Variants in LRIG1 observed in about 807,000 individuals in gnomAD.
LRIG1 encodes the protein leucine-rich repeats and immunoglobulin-like domains protein 1.
In LRIG1, 48 loss-of-function variants were observed where a neutral mutation model predicts 99.2. That is an observed-to-expected ratio of 0.48 (90% CI 0.38 to 0.62). LRIG1 has a LOEUF of 0.62. Ranked by LOEUF, LRIG1 falls within the 20% of genes least tolerant of loss-of-function variation. LRIG1 has a pLI of 0.00. For missense variants in LRIG1, 1,646 were observed against 1,434.4 expected, an observed-to-expected ratio of 1.15 and a Z score of -2.38; for synonymous variants, 772 against 596.1, an observed-to-expected ratio of 1.29 and a Z score of -4.30.
At chr3:66,411,088 C>T (rs1702449663) in intron 6 of LRIG1, among the ~76,000 whole-genome samples, 1 of 152,172 alleles carries the variant, frequency 6.6e-6, no homozygotes, top group Non-Finnish European at 1.5e-5. Flanking sequence ...AACAAGGGTA[C>T]ATCAGGATTC....
intron 3 of LRIG1, among the ~76,000 whole-genome samples, chr3:66,418,146 C>T (rs891448830): frequency 6.6e-6 from 1 of 152,054 alleles, no homozygotes; most frequent in African/African-American, 2.4e-5. Flanking sequence ...GGCTGGAGTG[C>T]AGTGGCGCCA....
chr3:66,406,323 G>C (rs1003926912), intron 8 of LRIG1: 2 of 985,508 alleles, frequency 2.0e-6, no homozygotes, highest in African/African-American at 3.5e-5. Context: ...TTGTGTGCCT[G>C]TCTCTCTGCT....
chr3:66,447,008 C>T (rs1703752901), intron 3 of LRIG1, among the ~76,000 whole-genome samples: 1 of 151,996 alleles, frequency 6.6e-6, no homozygotes, highest in Admixed American at 6.6e-5. Flanking sequence ...GATGGTTGCA[C>T]AACACTGAGA....
chr3:66,433,145 G>T (rs1460666444), intron 3 of LRIG1, among the ~76,000 whole-genome samples: 1 of 152,144 alleles, frequency 6.6e-6, no homozygotes, highest in African/African-American at 2.4e-5. Flanking sequence ...ACTCTCCAGG[G>T]AACAAAAGAA....
At chr3:66,498,212 T>C (rs1395265319) in intron 1 of LRIG1, 1 of 152,178 alleles carries the variant, frequency 6.6e-6, no homozygotes, top group Non-Finnish European at 1.5e-5. Flanking sequence ...TACTAAAGTC[T>C]ACTGATGCTC....
At chr3:66,403,458 G>C (rs1357500492) in intron 9 of LRIG1, among the ~76,000 whole-genome samples, 1 of 152,130 alleles carries the variant, frequency 6.6e-6, no homozygotes, top group Non-Finnish European at 1.5e-5. Flanking sequence ...GGTGGGGTGA[G>C]GCTTCGATTT....
intron 2 of LRIG1, 87 bp downstream of exon 2, chr3:66,462,351 G>T: frequency 1.1e-6 from 1 of 914,782 alleles, no homozygotes; most frequent in East Asian, 2.5e-5. Flanking sequence ...TGCGGATCTA[G>T]GGGAGTGAGC....
chr3:66,459,727 G>C (rs1388422023), intron 2 of LRIG1, among the ~76,000 whole-genome samples: 2 of 152,158 alleles, frequency 1.3e-5, no homozygotes, highest in African/African-American at 4.8e-5. Context: ...GGCTGGAATT[G>C]GGTAGGGAGG....
At chr3:66,423,251 T>C (rs909974139) in intron 3 of LRIG1, among the ~76,000 whole-genome samples, 2 of 152,228 alleles carry the variant, frequency 1.3e-5, no homozygotes, top group Non-Finnish European at 2.9e-5. Flanking sequence ...GTAAATTTTA[T>C]GTTATGTGTA....
At chr3:66,422,603 A>G (rs1188679565) in intron 3 of LRIG1, among the ~76,000 whole-genome samples, 2 of 152,316 alleles carry the variant, frequency 1.3e-5, no homozygotes, top group East Asian at 3.9e-4. Context: ...AAGCCATTCA[A>G]CAAGTCTCTA....
At chr3:66,385,131 C>T (rs1461353265) in intron 13 of LRIG1, among the ~76,000 whole-genome samples, 2 of 152,170 alleles carry the variant, frequency 1.3e-5, no homozygotes, top group African/African-American at 4.8e-5. Context: ...GTAAACTCTT[C>T]AAGCTATCTA....
At chr3:66,416,445 T>C (rs569236469) in intron 4 of LRIG1, among the ~76,000 whole-genome samples, 3 of 152,320 alleles carry the variant, frequency 2.0e-5, no homozygotes, top group South Asian at 2.1e-4. Flanking sequence ...TCACCTGGAA[T>C]TGGAAAACGT....
intron 9 of LRIG1, chr3:66,404,250 A>G: frequency 2.3e-6 from 3 of 1,289,214 alleles, no homozygotes; most frequent in Non-Finnish European, 3.0e-6. Context: ...GCTCTCCTCT[A>G]TCATCGAGCT....
At chr3:66,481,770 T>C (rs1700857741) in intron 1 of LRIG1, among the ~76,000 whole-genome samples, 1 of 152,194 alleles carries the variant, frequency 6.6e-6, no homozygotes, top group African/African-American at 2.4e-5. Flanking sequence ...TCTAAAACTC[T>C]ATCACAATTA....
chr3:66,383,948 TCACACACACACA>T (rs3830215), intron 14 of LRIG1, 31 bp downstream of exon 14: 155 of 1,521,680 alleles, frequency 1.0e-4, no homozygotes, highest in African/African-American at 9.4e-4. Flanking sequence ...TCTCTCTCGC[TCACACACACACA>T]CACACACACA....
At chr3:66,404,200 C>G (rs1302734592) in intron 9 of LRIG1, 1 of 1,263,886 alleles carries the variant, frequency 7.9e-7, no homozygotes, top group Non-Finnish European at 1.0e-6. Flanking sequence ...CAAAACAAAT[C>G]AGAAGCATCT....
chr3:66,500,275 AGGC>A lies in LRIG1; in HGVS notation c.130_132del (p.Ala44del). ...TCCAGCGAGTCCCCAGCGCAAGTGC[AGGC>A]GGCCGCGCAGGGCGCCCGCGGGCCG... On this transcript the variant is annotated inframe_deletion, in exon 1 of 19. Transcript: ENST00000273261. 6.7e-7 allele frequency: 1 copy of A among 1,490,954 alleles called. No homozygotes were observed. The highest frequency in any genetic ancestry group is 1.3e-5 in the South Asian group (1 of 79,498). The allele number at this position is 1,490,954 out of a possible 1,614,324, so 92.4% of individuals were successfully genotyped here.
chr3:66,457,672 G>A (rs895208021), intron 2 of LRIG1, among the ~76,000 whole-genome samples: 35 of 152,222 alleles, frequency 2.3e-4, no homozygotes, highest in African/African-American at 8.2e-4. Flanking sequence ...CAAACGCTGA[G>A]GCACTAAGTA....
In LRIG1 at chr3:66,384,112, G is replaced by C; in HGVS notation, c.1950C>G (p.Val650=). ...FPAARERRMH[V]MPDDDVFFIT... is the part of the protein sequence containing the mutation. ...TGAAAAACACGTCGTCATCCGGCAT[G>C]ACATGCATGCGTCGCTCACGGGCAG... Residue 650 remains valine (V), a synonymous_variant, in exon 14 of 19, where the codon GTC becomes GTG. Transcript: ENST00000273261. 2 of 1,614,210 alleles carry C rather than the reference G, an allele frequency of 1.2e-6. No homozygotes were observed. Among genetic ancestry groups the C allele is most frequent in the East Asian group, 2.2e-5 (1 of 44,878 alleles).
Sources: allele counts gnomAD v4.1 joint callset (sites outside exome capture counted in the v4.1 genomes callset), GRCh38; gene constraint gnomAD v4.1.1; transcripts MANE v1.5; gene names NCBI Gene and HGNC (gene_info 2026-07-23, HGNC 2026-07-21).